SDK1: variants seen among roughly 807,000 people sequenced by gnomAD.
SDK1 encodes protein sidekick-1.
Under a neutral mutation model 245.5 loss-of-function variants are expected in SDK1, and 157 were observed. That is an observed-to-expected ratio of 0.64 (90% CI 0.56 to 0.73). The LOEUF is 0.73. SDK1 is among the 30% of genes least tolerant of loss of function. The pLI is 0.00. For synonymous variants in SDK1, 1,647 were observed against 1,278.5 expected (o/e 1.29, Z -6.15); for missense variants, 3,583 against 3,002.3 (o/e 1.19, Z -4.52).
At chr7:3,405,814 C>CTTTTTTTTTTTTTTTTTTTTTTTTT (rs534692477) in intron 1 of SDK1, among the ~76,000 whole-genome samples, 1 of 125,392 alleles carries the variant, frequency 8.0e-6, no homozygotes, top group African/African-American at 3.1e-5. Context: ...TTCTTTCTTT[C>CTTTTTTTTTTTTTTTTTTTTTTTTT]TTTTTTTTTT....
In SDK1 at chr7:4,079,104, A is replaced by C. The variant is rs1423545079; in HGVS notation, c.3203-359A>C. ...CGCTCGTTCTCTGTGTGGTTTGAGG[A>C]GCCAGGAAGAATTACATTCATTCAT... On this transcript the variant is annotated intron_variant, in intron 21 of 44. Transcript: ENST00000404826. Among the ~76,000 whole-genome samples, 5 of 152,190 alleles carry C rather than the reference A, an allele frequency of 3.3e-5. No homozygotes were observed. In the East Asian group the frequency reaches 9.6e-4, roughly 29 times the overall value.
intron 1 of SDK1, among the ~76,000 whole-genome samples, chr7:3,337,654 A>G (rs1007910883): frequency 6.6e-6 from 1 of 152,206 alleles, no homozygotes; most frequent in Admixed American, 6.5e-5. Flanking sequence ...GGAGTTTAAC[A>G]ATGTGTAATT....
chr7:3,552,069 C>G (rs555988033), intron 1 of SDK1, among the ~76,000 whole-genome samples: 3 of 151,768 alleles, frequency 2.0e-5, no homozygotes, highest in Non-Finnish European at 4.4e-5. Flanking sequence ...GCCGGAGCCT[C>G]GCTCTGTCGC....
Position 4,266,329 on chromosome 7 carries a change from T to TA in SDK1, c.*946dup, listed in dbSNP as rs1422482632. The TA allele has an allele frequency of 1.0e-6, 1 of 985,334 alleles. No individual in the cohort carries two copies. The highest frequency in any genetic ancestry group is 1.2e-6 in the Non-Finnish European group (1 of 829,932). The allele number at this position is 985,334 out of a possible 1,614,324, so 61.0% of individuals were successfully genotyped here. The stretch of plus-strand genomic sequence containing the variant: ...TCTTTGCTGTCTCCAGGTGCCTTTT[T>TA]ATTAATTGTTCAGCTTTGTACATGG... On this transcript the variant is annotated 3_prime_UTR_variant, in exon 45 of 45. Transcript: ENST00000404826.
intron 1 of SDK1, among the ~76,000 whole-genome samples, chr7:3,583,174 AC>A (rs1780568550): frequency 6.6e-6 from 1 of 152,112 alleles, no homozygotes; most frequent in East Asian, 1.9e-4. Flanking sequence ...CAGCAGCTCG[AC>A]CTTGTTTACA....
intron 1 of SDK1, among the ~76,000 whole-genome samples, chr7:3,360,240 C>G (rs935785749): frequency 6.6e-6 from 1 of 152,166 alleles, no homozygotes; most frequent in African/African-American, 2.4e-5. Context: ...ATAGCCCCAG[C>G]CAAATACCTG....
chr7:3,962,011 G>A (rs895505531), intron 8 of SDK1, among the ~76,000 whole-genome samples: 8 of 151,612 alleles, frequency 5.3e-5, no homozygotes, highest in Admixed American at 6.6e-5. Context: ...ATACACACAT[G>A]TAAACACGTA....
At chr7:4,048,243 A>C (rs1474773964) in intron 17 of SDK1, among the ~76,000 whole-genome samples, 1 of 151,984 alleles carries the variant, frequency 6.6e-6, no homozygotes, top group Non-Finnish European at 1.5e-5. Context: ...ACTTTAGAAC[A>C]AGCACCTGAA....
chr7:3,479,698 C>T (rs974196569), intron 1 of SDK1, among the ~76,000 whole-genome samples: 13 of 151,754 alleles, frequency 8.6e-5, no homozygotes, highest in African/African-American at 3.1e-4. Flanking sequence ...CCTATTTCTA[C>T]TAAAAATACA....
At chr7:3,622,623 T>C (rs1583238204) in intron 2 of SDK1, among the ~76,000 whole-genome samples, 1 of 152,190 alleles carries the variant, frequency 6.6e-6, no homozygotes, top group South Asian at 2.1e-4. Flanking sequence ...GGAACACTCT[T>C]TGTATTCTTA....
chr7:4,070,123 A>T (rs1021913468), intron 20 of SDK1, among the ~76,000 whole-genome samples: 4 of 152,242 alleles, frequency 2.6e-5, no homozygotes, highest in Non-Finnish European at 5.9e-5. Context: ...ATGCGCTAAC[A>T]ATTATAATTG....
At chr7:3,885,648 G>A (rs1034254468) in intron 5 of SDK1, among the ~76,000 whole-genome samples, 4 of 152,076 alleles carry the variant, frequency 2.6e-5, no homozygotes, top group Non-Finnish European at 4.4e-5. Context: ...GTTGATAAAC[G>A]CTGTGGTATC....
chr7:4,010,876 G>C, intron 14 of SDK1, 90 bp from the exon 15 acceptor site: 1 of 1,338,938 alleles, frequency 7.5e-7, no homozygotes, highest in East Asian at 2.3e-5. Context: ...AAGCAAATGA[G>C]ATGTTCCCTG....
At chr7:4,119,102 T>TA (rs538690613) in intron 25 of SDK1, among the ~76,000 whole-genome samples, 10 of 146,694 alleles carry the variant, frequency 6.8e-5, no homozygotes, top group South Asian at 2.3e-4. Context: ...AATAAGGCTT[T>TA]AAAAAAAAAG....
intron 4 of SDK1, among the ~76,000 whole-genome samples, chr7:3,774,154 G>T (rs1311770596): frequency 1.3e-5 from 2 of 150,034 alleles, no homozygotes; most frequent in Non-Finnish European, 2.9e-5. Flanking sequence ...GGCGGAGGTT[G>T]CAGTGAGCCA....
At chr7:3,612,480 C>T (rs1781624372) in intron 1 of SDK1, among the ~76,000 whole-genome samples, 1 of 152,112 alleles carries the variant, frequency 6.6e-6, no homozygotes, top group Non-Finnish European at 1.5e-5. Flanking sequence ...AATGAACTGC[C>T]AGCAGCTGAA....
intron 5 of SDK1, among the ~76,000 whole-genome samples, chr7:3,920,193 C>T (rs901809442): frequency 1.3e-5 from 2 of 152,170 alleles, no homozygotes; most frequent in Non-Finnish European, 2.9e-5. Context: ...TCACGCTGTG[C>T]ATCCTGAGTC....
At chr7:3,346,507 A>C (rs1343398048) in intron 1 of SDK1, among the ~76,000 whole-genome samples, 1 of 151,638 alleles carries the variant, frequency 6.6e-6, no homozygotes, top group East Asian at 1.9e-4. Flanking sequence ...TAGAGTTAAC[A>C]TTTATTTATT....
chr7:3,885,384 T>C (rs1781313260), intron 5 of SDK1, among the ~76,000 whole-genome samples: 1 of 152,204 alleles, frequency 6.6e-6, no homozygotes, highest in African/African-American at 2.4e-5. Flanking sequence ...TGACACACAC[T>C]CATCACATTC....
Sources: allele counts gnomAD v4.1 joint callset (sites outside exome capture counted in the v4.1 genomes callset), GRCh38; gene constraint gnomAD v4.1.1; transcripts MANE v1.5; gene names NCBI Gene and HGNC (gene_info 2026-07-23, HGNC 2026-07-21).